The following ASXL2 variants were observed in gnomAD, a reference collection of about 807,000 sequenced individuals.
The protein encoded by ASXL2 is putative Polycomb group protein ASXL2.
ASXL2 carries 23 observed loss-of-function variants against 122.0 expected under a neutral mutation model. The observed-to-expected ratio is 0.19, with a 90% CI of 0.14 to 0.27. The LOEUF is 0.27. Among genes scored for constraint, ASXL2 ranks in the 10% least tolerant of loss-of-function variants. The pLI is 1.00. For missense variants in ASXL2, 1,518 were observed against 1,713.8 expected, an observed-to-expected ratio of 0.89 and a Z score of 2.02; for synonymous variants, 650 against 637.0, an observed-to-expected ratio of 1.02 and a Z score of -0.31.
intron 5 of ASXL2, among the ~76,000 whole-genome samples, chr2:25,779,504 T>G (rs2088599494): frequency 1.3e-5 from 2 of 152,166 alleles, no homozygotes; most frequent in African/African-American, 4.8e-5. Context: ...AAAGAAACCA[T>G]ACCAATATAA....
At chr2:25,770,243 C>A (rs974306982) in intron 6 of ASXL2, among the ~76,000 whole-genome samples, 12 of 151,890 alleles carry the variant, frequency 7.9e-5, no homozygotes, top group Admixed American at 7.2e-4. Context: ...GGGTCTTGCT[C>A]TGTTGCCCAG....
At chr2:25,797,613 G>T (rs931778477) in intron 5 of ASXL2, among the ~76,000 whole-genome samples, 2 of 152,170 alleles carry the variant, frequency 1.3e-5, no homozygotes, top group Non-Finnish European at 2.9e-5. Flanking sequence ...AAGATATGTA[G>T]ATGGCAAACA....
At chr2:25,796,076 C>T (rs2088907517) in intron 5 of ASXL2, among the ~76,000 whole-genome samples, 2 of 152,122 alleles carry the variant, frequency 1.3e-5, no homozygotes, top group Non-Finnish European at 1.5e-5. Flanking sequence ...TTACAAAGTT[C>T]GCTCAAATTA....
At chr2:25,779,289 G>C (rs1488655831) in intron 5 of ASXL2, among the ~76,000 whole-genome samples, 3 of 151,796 alleles carry the variant, frequency 2.0e-5, no homozygotes, top group Non-Finnish European at 4.4e-5. Flanking sequence ...GTAGAGACGA[G>C]GTTTTGCCAT....
intron 5 of ASXL2, among the ~76,000 whole-genome samples, chr2:25,779,649 C>T (rs567378448): frequency 7.8e-4 from 118 of 152,244 alleles, no homozygotes; most frequent in African/African-American, 2.5e-3. Flanking sequence ...CGTCATTATG[C>T]CACAAATTTG....
chr2:25,838,780 G>T (rs2089543902), intron 2 of ASXL2, among the ~76,000 whole-genome samples: 1 of 152,136 alleles, frequency 6.6e-6, no homozygotes. Context: ...TGCCATAACT[G>T]TTACTTTGAT....
intron 1 of ASXL2, among the ~76,000 whole-genome samples, chr2:25,861,569 C>T (rs558944991): frequency 2.6e-5 from 4 of 152,262 alleles, no homozygotes; most frequent in African/African-American, 9.6e-5. Context: ...ACAATATCTT[C>T]CAGAAAACAG....
At chr2:25,774,570 C>A (rs1307599025) in intron 5 of ASXL2, among the ~76,000 whole-genome samples, 1 of 152,084 alleles carries the variant, frequency 6.6e-6, no homozygotes, top group African/African-American at 2.4e-5. Context: ...CATTTAATAG[C>A]ATTGAATTCT....
intron 1 of ASXL2, among the ~76,000 whole-genome samples, chr2:25,854,469 C>A (rs1403134499): frequency 6.6e-6 from 1 of 152,120 alleles, no homozygotes; most frequent in Admixed American, 6.5e-5. Context: ...ATGAAAAGAG[C>A]CACTGCTGCT....
At chr2:25,815,228 G>A (rs2089218732) in intron 3 of ASXL2, among the ~76,000 whole-genome samples, 1 of 152,066 alleles carries the variant, frequency 6.6e-6, no homozygotes, top group African/African-American at 2.4e-5. Context: ...TTAGTATAAA[G>A]TACAAAATTA....
intron 1 of ASXL2, among the ~76,000 whole-genome samples, chr2:25,854,454 A>C (rs2089754276): frequency 6.6e-6 from 1 of 152,214 alleles, no homozygotes; most frequent in Admixed American, 6.5e-5. Flanking sequence ...TTTGTCAGCT[A>C]ATTAATGAAA....
chr2:25,735,609 C>T lies in ASXL2; in HGVS notation c.*6420G>A, dbSNP rs1192129058. ...AGCTTCTTTTAGGTTTGAACAGTGA[C>T]AGGAAAGCTGCATTATTTACCCAAC... On this transcript the variant is annotated 3_prime_UTR_variant, in exon 13 of 13. Transcript: ENST00000435504. The T allele has an allele frequency of 1.3e-5, 2 of 152,130 alleles. No individual in the cohort carries two copies. Among genetic ancestry groups the T allele is most frequent in the Non-Finnish European group, 1.5e-5 (1 of 68,014 alleles). 9.4% of individuals were successfully genotyped at this position (152,130 alleles called of 1,614,324 possible).
At chr2:25,861,771 T>C (rs923494115) in intron 1 of ASXL2, among the ~76,000 whole-genome samples, 3 of 152,224 alleles carry the variant, frequency 2.0e-5, no homozygotes, top group Non-Finnish European at 4.4e-5. Context: ...TCTTGGGACA[T>C]AACCCTATGT....
Position 25,744,609 on chromosome 2 carries a change from G to C in ASXL2, c.1861-133C>G. 1 of 1,031,390 alleles carries C rather than the reference G, an allele frequency of 9.7e-7. No individual in the cohort carries two copies. The highest frequency in any genetic ancestry group is 1.4e-6 in the Non-Finnish European group (1 of 734,784). The allele number at this position is 1,031,390 out of a possible 1,614,324, so 63.9% of individuals were successfully genotyped here. ...CTGTGACAAACATGGGTGGTCTATGGCCGAGAGGCCAAACCTTGGAGACAG... is the reference window on the plus strand; with the variant it reads ...CTGTGACAAACATGGGTGGTCTATGCCCGAGAGGCCAAACCTTGGAGACAG... On this transcript the variant is annotated intron_variant, in intron 12 of 12. Transcript: ENST00000435504. This position sits in a 1 kb window ranked among gnomAD's most constrained non-coding sequence, Gnocchi z 4.7.
intron 3 of ASXL2, among the ~76,000 whole-genome samples, chr2:25,825,900 C>T (rs936491828): frequency 2.6e-5 from 4 of 152,146 alleles, no homozygotes; most frequent in Non-Finnish European, 4.4e-5. Flanking sequence ...TTTTCAACAC[C>T]TACTAACAAA....
rs2088122557 is a variant in ASXL2, at chr2:25,755,945, A to G, written c.1036+73T>C. 7.2e-6 allele frequency: 9 copies of G among 1,247,828 alleles called. No homozygotes were observed. The Admixed American group carries it at 1.0e-4, about 14-fold the overall frequency. The allele number at this position is 1,247,828 out of a possible 1,614,324, so 77.3% of individuals were successfully genotyped here. ...TGTCCTTTACCTTCCAAAACTGCGT[A>G]ATTACCTGATGAGGAAGAGAGGTGC... On this transcript the variant is annotated intron_variant, in intron 10 of 12. Transcript: ENST00000435504.
chr2:25,779,197 A>C (rs2088594361), intron 5 of ASXL2, among the ~76,000 whole-genome samples: 1 of 148,038 alleles, frequency 6.8e-6, no homozygotes, highest in Non-Finnish European at 1.5e-5. Flanking sequence ...ATTGGGTTCA[A>C]TCAATTCTCC....
rs559570362 is a variant in ASXL2, at chr2:25,856,097, G to A, written c.58-10534C>T. Among the ~76,000 whole-genome samples the A allele has an allele frequency of 5.4e-4, 81 of 150,808 alleles. 1 individual carries two copies. Among genetic ancestry groups the A allele is most frequent in the African/African-American group, 1.9e-3 (80 of 41,130 alleles). ...TTTTGAGACGGAGTCTCACTTTGTCGCCAGGCTGGAGTGCAGCAGTGCAAT... is the reference window on the plus strand; with the variant it reads ...TTTTGAGACGGAGTCTCACTTTGTCACCAGGCTGGAGTGCAGCAGTGCAAT... On this transcript the variant is annotated intron_variant, in intron 1 of 12. Coordinates refer to ENST00000435504, the MANE Select transcript of ASXL2 (RefSeq NM_018263.6).
At position 25,878,324 on chromosome 2, in the gene ASXL2, G is replaced by A. The variant is rs1276216945; in HGVS notation, c.-102C>T. On this transcript the variant is annotated 5_prime_UTR_variant, in exon 1 of 13. Transcript: ENST00000435504. ...CTTTTCCCGCGGTGCCGGGAAAGGT[G>A]GGAGAAAAGGGAAGTCAGACCGGGG... The A allele has an allele frequency of 7.7e-7, 1 of 1,299,762 alleles. No homozygotes were observed. The highest frequency in any genetic ancestry group is 1.5e-5 in the African/African-American group (1 of 68,232). The allele number at this position is 1,299,762 out of a possible 1,614,324, so 80.5% of individuals were successfully genotyped here.
Sources: allele counts gnomAD v4.1 joint callset (sites outside exome capture counted in the v4.1 genomes callset), GRCh38; gene constraint gnomAD v4.1.1; non-coding constraint Gnocchi (gnomAD v3.1); transcripts MANE v1.5; gene names NCBI Gene and HGNC (gene_info 2026-07-23, HGNC 2026-07-21).